Variants in MERTK observed in about 807,000 individuals in gnomAD.
MERTK encodes the protein MER proto-oncogene, tyrosine kinase.
In MERTK, 69 loss-of-function variants were observed where a neutral mutation model predicts 99.3. The ratio of observed to expected loss-of-function variants is 0.70; its 90% CI spans 0.57 to 0.85. The LOEUF is 0.85. Among genes scored for constraint, MERTK ranks in the 40% least tolerant of loss-of-function variants. The probability of loss-of-function intolerance (pLI) is 0.00; values close to 1 mark genes in which losing one functional copy is unlikely to be tolerated. For missense variants in MERTK, 1,125 were observed against 1,249.4 expected (o/e 0.90, Z 1.50); for synonymous variants, 426 against 467.6 (o/e 0.91, Z 1.15).
Position 111,947,547 on chromosome 2 carries a change from C to A in MERTK, c.737C>A (p.Pro246His), listed in dbSNP as rs772266293. 2 of 1,614,024 alleles carry A rather than the reference C, an allele frequency of 1.2e-6. No individual in the cohort carries two copies. The highest frequency in any genetic ancestry group is 2.7e-5 in the African/African-American group (2 of 74,914). ...SRVNEQPEKS[P>H]SVLTVPGLTE... ...GTTAACGAACAGCCTGAAAAATCCC[C>A]CTCCGTGCTAACTGTTCCAGGTAAG... The change falls in exon 4 of 19, where the codon CCC (proline) becomes CAC (histidine). Residue 246 changes from proline (P) to histidine (H), a missense_variant. Transcript: ENST00000295408.
intron 2 of MERTK, among the ~76,000 whole-genome samples, chr2:111,938,966 G>T (rs892276591): frequency 6.6e-6 from 1 of 152,042 alleles, no homozygotes; most frequent in Non-Finnish European, 1.5e-5. Flanking sequence ...AATACCCAGG[G>T]TATTTTTTTG....
At chr2:111,988,062 T>C (rs913367858) in intron 8 of MERTK, among the ~76,000 whole-genome samples, 23 of 150,394 alleles carry the variant, frequency 1.5e-4, no homozygotes, top group African/African-American at 5.7e-4. Context: ...CGATCTCGGC[T>C]CACTGCAACA....
chr2:111,975,573 G>A, intron 7 of MERTK, 101 bp downstream of exon 7: 1 of 1,310,888 alleles, frequency 7.6e-7, no homozygotes, highest in African/African-American at 1.5e-5. Flanking sequence ...GCTTTGTTTG[G>A]ACTTTGTCTC....
At chr2:111,958,629 T>A (rs1463002365) in intron 4 of MERTK, among the ~76,000 whole-genome samples, 1 of 152,190 alleles carries the variant, frequency 6.6e-6, no homozygotes, top group African/African-American at 2.4e-5. Context: ...GGTGTAGGTG[T>A]CTTGTGCTAG....
chr2:111,917,741 T>C (rs1684379664), intron 1 of MERTK, among the ~76,000 whole-genome samples: 1 of 151,910 alleles, frequency 6.6e-6, no homozygotes, highest in East Asian at 1.9e-4. Flanking sequence ...AAAAATTAGC[T>C]GGGCGTGGTA....
chr2:111,899,677 C>A (rs1684007496), intron 1 of MERTK, among the ~76,000 whole-genome samples: 1 of 152,084 alleles, frequency 6.6e-6, no homozygotes, highest in Admixed American at 6.5e-5. Context: ...GCTACCACGT[C>A]CGGCTAATTT....
intron 1 of MERTK, among the ~76,000 whole-genome samples, chr2:111,899,208 G>T (rs1050489004): frequency 1.3e-5 from 2 of 152,340 alleles, no homozygotes; most frequent in East Asian, 3.9e-4. Context: ...GCCCCGCTCT[G>T]GCCGGAGTCC....
At position 112,029,401 on chromosome 2, in the gene MERTK, A is replaced by G. The variant is rs1677535907; in HGVS notation, c.*537A>G. The stretch of plus-strand genomic sequence containing the variant: ...TGAACTTACTTGAGACTTGAAAGAC[A>G]GTGGTCGGCAGCGGCCTTGTGGCCT... On this transcript the variant is annotated 3_prime_UTR_variant, in exon 19 of 19. Transcript: ENST00000295408. 18 of 905,448 alleles carry G rather than the reference A, an allele frequency of 2.0e-5. No homozygotes were observed. Among genetic ancestry groups the G allele is most frequent in the Non-Finnish European group, 2.2e-5 (17 of 756,872 alleles). 56.1% of individuals were successfully genotyped at this position (905,448 alleles called of 1,614,324 possible). A position where few individuals can be genotyped will look rare whatever the true frequency, so the allele number is the denominator to read the frequency against.
chr2:111,965,113 A>G (rs1480151311), intron 4 of MERTK, 78 bp from the exon 5 acceptor site: 19 of 1,335,476 alleles, frequency 1.4e-5, no homozygotes, highest in South Asian at 2.4e-5. Flanking sequence ...ATAAAATAAT[A>G]CAAAGACAAC....
At chr2:111,910,612 A>ATGTG (rs1558767746) in intron 1 of MERTK, among the ~76,000 whole-genome samples, 1 of 96,090 alleles carries the variant, frequency 1.0e-5, no homozygotes, top group Non-Finnish European at 2.1e-5. Context: ...GTGTGTGTGT[A>ATGTG]TATATATATA....
intron 1 of MERTK, among the ~76,000 whole-genome samples, chr2:111,902,145 A>G (rs975796426): frequency 6.6e-6 from 1 of 152,206 alleles, no homozygotes; most frequent in Admixed American, 6.5e-5. Context: ...TTGGCCTCCC[A>G]AAGTGCTGGG....
intron 1 of MERTK, among the ~76,000 whole-genome samples, chr2:111,922,398 A>C (rs1404134222): frequency 6.6e-6 from 1 of 152,226 alleles, no homozygotes; most frequent in African/African-American, 2.4e-5. Context: ...GATGCCTTAG[A>C]GCTAAGAGCC....
intron 2 of MERTK, among the ~76,000 whole-genome samples, chr2:111,931,334 C>A (rs575049732): frequency 6.6e-6 from 1 of 152,242 alleles, no homozygotes; most frequent in African/African-American, 2.4e-5. Flanking sequence ...GCTAAGACTG[C>A]TTAGGAGATT....
intron 2 of MERTK, among the ~76,000 whole-genome samples, chr2:111,938,525 G>A (rs1684804104): frequency 6.6e-6 from 1 of 152,180 alleles, no homozygotes; most frequent in Non-Finnish European, 1.5e-5. Context: ...AAGGACTGAG[G>A]GTTAGAGACA....
At chr2:112,025,787 A>C (rs986988891) in intron 18 of MERTK, among the ~76,000 whole-genome samples, 4 of 152,230 alleles carry the variant, frequency 2.6e-5, no homozygotes, top group African/African-American at 7.2e-5. Context: ...ATATGATTGC[A>C]TTTAATTGTG....
At chr2:111,914,680 T>G (rs1425621887) in intron 1 of MERTK, among the ~76,000 whole-genome samples, 1 of 152,264 alleles carries the variant, frequency 6.6e-6, no homozygotes, top group Non-Finnish European at 1.5e-5. Context: ...TTTAGTCTGT[T>G]AGTATGCTGG....
At chr2:111,918,634 G>T (rs969293632) in intron 1 of MERTK, among the ~76,000 whole-genome samples, 1 of 152,240 alleles carries the variant, frequency 6.6e-6, no homozygotes, top group African/African-American at 2.4e-5. Flanking sequence ...ATATTTCATT[G>T]CAAGAGTTGA....
intron 4 of MERTK, among the ~76,000 whole-genome samples, chr2:111,964,515 G>C (rs1006138382): frequency 3.9e-5 from 6 of 152,290 alleles, no homozygotes; most frequent in African/African-American, 1.4e-4. Context: ...TCTCCAAGGA[G>C]CCCTGGTTCC....
intron 15 of MERTK, among the ~76,000 whole-genome samples, chr2:112,014,416 G>A (rs1054281028): frequency 3.3e-5 from 5 of 151,802 alleles, no homozygotes; most frequent in African/African-American, 7.3e-5. Context: ...CAGCCGCCTC[G>A]GCCTCCCGAA....
Sources: allele counts gnomAD v4.1 joint callset (sites outside exome capture counted in the v4.1 genomes callset), GRCh38; gene constraint gnomAD v4.1.1; transcripts MANE v1.5; gene names NCBI Gene and HGNC (gene_info 2026-07-23, HGNC 2026-07-21).